THSD7B: variants seen among roughly 807,000 people sequenced by gnomAD.
THSD7B encodes the protein thrombospondin type-1 domain-containing protein 7B.
In THSD7B, 138 loss-of-function variants were observed where a neutral mutation model predicts 213.6. The ratio of observed to expected loss-of-function variants is 0.65; its 90% CI spans 0.56 to 0.74. The LOEUF (loss-of-function observed/expected upper bound fraction) is 0.74. THSD7B is among the 30% of genes least tolerant of loss of function. The pLI, the probability that THSD7B is intolerant of heterozygous loss-of-function variation, is 0.00. For missense variants in THSD7B, 1,931 were observed against 1,991.5 expected (o/e 0.97, Z 0.58); for synonymous variants, 742 against 687.0 (o/e 1.08, Z -1.25).
chr2:137,393,034 C>A (rs61414301), intron 12 of THSD7B, among the ~76,000 whole-genome samples: 1 of 151,872 alleles, frequency 6.6e-6, no homozygotes, highest in African/African-American at 2.4e-5. Flanking sequence ...ACCGGTCTGA[C>A]AGTAACGAGT....
chr2:136,965,631 A>G (rs779469734), intron 2 of THSD7B, among the ~76,000 whole-genome samples: 11 of 151,876 alleles, frequency 7.2e-5, no homozygotes, highest in Non-Finnish European at 1.6e-4. Context: ...TTCTTTGTTC[A>G]TTTCTCCTTG....
intron 21 of THSD7B, among the ~76,000 whole-genome samples, chr2:137,652,183 T>TTC (rs1036573246): frequency 6.6e-6 from 1 of 151,866 alleles, no homozygotes; most frequent in African/African-American, 2.4e-5. Flanking sequence ...AGATCTCTCT[T>TTC]TCTCTCTCTC....
chr2:137,404,430 GATATATATATATATATATATATAT>G (rs59001356), intron 12 of THSD7B, among the ~76,000 whole-genome samples: 7 of 49,302 alleles, frequency 1.4e-4, no homozygotes, highest in African/African-American at 3.5e-4. Flanking sequence ...GAAACTCTGA[GATATATATATATATATATATATAT>G]ATATATATAT....
intron 12 of THSD7B, among the ~76,000 whole-genome samples, chr2:137,299,339 C>T (rs1359664008): frequency 3.9e-5 from 6 of 152,082 alleles, no homozygotes; most frequent in Non-Finnish European, 8.8e-5. Flanking sequence ...ATTTTACTGG[C>T]TCATAGGCAG....
At chr2:137,052,308 C>A (rs1031916559) in intron 2 of THSD7B, among the ~76,000 whole-genome samples, 6 of 152,076 alleles carry the variant, frequency 3.9e-5, no homozygotes, top group Non-Finnish European at 5.9e-5. Flanking sequence ...ACTACTGTCC[C>A]CATTACATCA....
intron 10 of THSD7B, among the ~76,000 whole-genome samples, chr2:137,254,164 G>A (rs140909356): frequency 1.3e-5 from 2 of 152,246 alleles, no homozygotes; most frequent in African/African-American, 4.8e-5. Flanking sequence ...AAATTAAGTT[G>A]CTACATATAG....
intron 17 of THSD7B, among the ~76,000 whole-genome samples, chr2:137,611,815 A>C (rs946149875): frequency 3.9e-5 from 6 of 152,106 alleles, no homozygotes; most frequent in African/African-American, 1.4e-4. Context: ...TTTCCTTTTA[A>C]ATCCCTATTA....
At chr2:137,291,362 C>A (rs762874798) in intron 12 of THSD7B, among the ~76,000 whole-genome samples, 6 of 152,040 alleles carry the variant, frequency 3.9e-5, no homozygotes, top group Admixed American at 1.3e-4. Flanking sequence ...TTTTTCAGCT[C>A]CCAAAATGCA....
chr2:137,007,835 A>T (rs916571067), intron 2 of THSD7B, among the ~76,000 whole-genome samples: 1 of 152,196 alleles, frequency 6.6e-6, no homozygotes, highest in Non-Finnish European at 1.5e-5. Context: ...TTTAACTATG[A>T]GTCACCTAAA....
At chr2:137,156,180 G>A (rs1679905996) in intron 5 of THSD7B, 1 of 152,150 alleles carries the variant, frequency 6.6e-6, no homozygotes, top group South Asian at 2.1e-4. Flanking sequence ...CTTGCTAAGT[G>A]GTCTGAAGCT....
chr2:137,349,219 C>T (rs1231484534), intron 12 of THSD7B, among the ~76,000 whole-genome samples: 1 of 151,640 alleles, frequency 6.6e-6, no homozygotes, highest in Non-Finnish European at 1.5e-5. Context: ...CAATCATGGG[C>T]ATCTTCAAAT....
At chr2:137,010,540 T>G (rs1030588121) in intron 2 of THSD7B, among the ~76,000 whole-genome samples, 1 of 152,254 alleles carries the variant, frequency 6.6e-6, no homozygotes, top group African/African-American at 2.4e-5. Context: ...TCCATTTTCC[T>G]GCCTCTCAGG....
chr2:137,437,946 G>C (rs1223578325), intron 14 of THSD7B, among the ~76,000 whole-genome samples: 1 of 152,110 alleles, frequency 6.6e-6, no homozygotes, highest in African/African-American at 2.4e-5. Context: ...TCATTTTGGG[G>C]AAGACTTGAG....
chr2:136,953,949 CCA>C (rs1464816417), intron 2 of THSD7B, among the ~76,000 whole-genome samples: 1 of 152,070 alleles, frequency 6.6e-6, no homozygotes, highest in Non-Finnish European at 1.5e-5. Context: ...ACAGCCTAAC[CCA>C]GTCATGTGAA....
chr2:137,256,732 C>T (rs546445035), intron 10 of THSD7B, among the ~76,000 whole-genome samples: 26 of 151,818 alleles, frequency 1.7e-4, no homozygotes, highest in African/African-American at 5.3e-4. Flanking sequence ...TGAGGTGAGA[C>T]GACATTGGAA....
intron 1 of THSD7B, among the ~76,000 whole-genome samples, chr2:136,880,736 C>G (rs957446876): frequency 7.2e-5 from 11 of 152,114 alleles, no homozygotes; most frequent in African/African-American, 2.7e-4. Flanking sequence ...TCTCAAGTCT[C>G]TCCTGATCCT....
intron 5 of THSD7B, among the ~76,000 whole-genome samples, chr2:137,154,675 T>C (rs1679880348): frequency 6.6e-6 from 1 of 152,074 alleles, no homozygotes; most frequent in Non-Finnish European, 1.5e-5. Flanking sequence ...TGGAGTAGAG[T>C]TTGATTTAAT....
intron 10 of THSD7B, among the ~76,000 whole-genome samples, chr2:137,270,412 A>G (rs1365654849): frequency 6.6e-6 from 1 of 152,152 alleles, no homozygotes; most frequent in African/African-American, 2.4e-5. Flanking sequence ...GTTCAAGGTC[A>G]TAAGATGTGC....
rs1302804085 is a variant in THSD7B at position 137,546,443 on chromosome 2, AT to A, written c.3139-16776del. ...TATATATTATATATATATTATATAT[AT>A]TATATATATATTATATATAATATAT... On this transcript the variant is annotated intron_variant, in intron 15 of 27. Coordinates refer to ENST00000409968, the MANE Select transcript of THSD7B (RefSeq NM_001316349.2). 3.7e-3 allele frequency among the ~76,000 whole-genome samples: 109 copies of A among 29,620 alleles called. 12 individuals carry two copies. Among genetic ancestry groups the A allele is most frequent in the African/African-American group, 0.016 (77 of 4,956 alleles). The allele number at this position is 29,620 out of a possible 152,430, so 19.4% of individuals were successfully genotyped here. A position where few individuals can be genotyped will look rare whatever the true frequency, so the allele number is the denominator to read the frequency against.
Sources: gnomAD v4.1 joint callset for allele counts (sites outside exome capture counted in the v4.1 genomes callset) on GRCh38, gnomAD v4.1.1 for gene constraint, MANE v1.5 for transcripts, NCBI Gene and HGNC (gene_info 2026-07-23, HGNC 2026-07-21) for gene names.